The following CPQ variants were observed in gnomAD, a reference collection of about 807,000 sequenced individuals.
The protein encoded by CPQ is Ser-Met dipeptidase.
A neutral mutation model predicts 45.7 loss-of-function variants in CPQ; 37 were observed. The observed-to-expected ratio is 0.81, with a 90% CI of 0.62 to 1.07. CPQ has a LOEUF of 1.07. CPQ is among the 50% of genes least tolerant of loss of function. CPQ has a pLI of 0.00. For synonymous variants in CPQ, 186 were observed against 205.8 expected, an observed-to-expected ratio of 0.90 and a Z score of 0.82; for missense variants, 537 against 572.9, an observed-to-expected ratio of 0.94 and a Z score of 0.64.
chr8:97,019,217 C>T (rs757099426), intron 5 of CPQ, among the ~76,000 whole-genome samples: 3 of 152,122 alleles, frequency 2.0e-5, no homozygotes, highest in Non-Finnish European at 4.4e-5. Context: ...ACTACAAGAA[C>T]CGCTAAAAGG....
intron 5 of CPQ, among the ~76,000 whole-genome samples, chr8:96,969,142 G>C (rs1813620005): frequency 6.6e-6 from 1 of 152,162 alleles, no homozygotes; most frequent in Non-Finnish European, 1.5e-5. Flanking sequence ...CTAAAGAAAT[G>C]AAAGATATGA....
chr8:96,964,145 T>C (rs1404171098), intron 4 of CPQ, among the ~76,000 whole-genome samples: 2 of 148,718 alleles, frequency 1.3e-5, no homozygotes, highest in Admixed American at 6.7e-5. Flanking sequence ...GTTATGAACA[T>C]TCCAGTACAT....
At chr8:96,904,710 A>G (rs1250919851) in intron 4 of CPQ, among the ~76,000 whole-genome samples, 1 of 152,208 alleles carries the variant, frequency 6.6e-6, no homozygotes, top group Non-Finnish European at 1.5e-5. Flanking sequence ...GCAAAGGTCC[A>G]GAATCCATAA....
intron 5 of CPQ, among the ~76,000 whole-genome samples, chr8:97,013,942 T>C (rs1390739968): frequency 6.6e-6 from 1 of 152,226 alleles, no homozygotes; most frequent in Non-Finnish European, 1.5e-5. Flanking sequence ...ATATGTGTCA[T>C]TTATATGTAA....
intron 5 of CPQ, among the ~76,000 whole-genome samples, chr8:96,991,399 T>G (rs979090346): frequency 5.3e-5 from 8 of 151,890 alleles, no homozygotes; most frequent in East Asian, 3.9e-4. Flanking sequence ...CTACTAAACA[T>G]ACACAAATTA....
chr8:96,678,185 T>C (rs1308266604), intron 1 of CPQ, among the ~76,000 whole-genome samples: 1 of 152,116 alleles, frequency 6.6e-6, no homozygotes, highest in Non-Finnish European at 1.5e-5. Flanking sequence ...AATTTTAGGA[T>C]TATTTTTTCT....
chr8:96,678,776 G>A (rs1450271859), intron 1 of CPQ, among the ~76,000 whole-genome samples: 1 of 16,808 alleles, frequency 5.9e-5, no homozygotes, highest in Admixed American at 5.9e-4. Flanking sequence ...TTTTTTTTTA[G>A]CTGTTGAGTT....
chr8:97,081,707 A>T (rs537941685), intron 7 of CPQ, among the ~76,000 whole-genome samples: 1 of 152,288 alleles, frequency 6.6e-6, no homozygotes, highest in African/African-American at 2.4e-5. Context: ...CTGAGCACCC[A>T]TGTTTTCAGA....
rs775291044 is a variant in CPQ at position 97,143,013 on chromosome 8, T to A, written c.1256-7T>A. On this transcript the variant is annotated splice_region_variant and splice_polypyrimidine_tract_variant and intron_variant, in intron 7 of 7. Transcript: ENST00000220763. ...TCCACTAAGAATTCTTCCTCTTTTA[T>A]CCCCAGGAGCCAGTCTACTTGATGA... 1.4e-5 allele frequency: 23 copies of A among 1,613,130 alleles called. No homozygotes were observed. The highest frequency in any genetic ancestry group is 1.8e-5 in the Non-Finnish European group (21 of 1,179,530).
chr8:97,034,995 C>T (rs577656384), intron 6 of CPQ, among the ~76,000 whole-genome samples: 33 of 151,734 alleles, frequency 2.2e-4, no homozygotes, highest in African/African-American at 7.7e-4. Flanking sequence ...CGGGTTCAAG[C>T]GATTCTTCTG....
chr8:96,756,050 A>G (rs953437375), intron 1 of CPQ, among the ~76,000 whole-genome samples: 14 of 152,080 alleles, frequency 9.2e-5, no homozygotes, highest in Admixed American at 2.6e-4. Flanking sequence ...AGTTACCTCC[A>G]TAACTCTAAA....
rs138767119 is a variant in CPQ, at chr8:97,074,254, C to T, written c.1255+8044C>T. 3.7e-3 allele frequency among the ~76,000 whole-genome samples: 570 copies of T among 152,278 alleles called. 1 individual carries two copies. The highest frequency in any genetic ancestry group is 0.012 in the African/African-American group (517 of 41,556). ...TATTTTCTTCTTGTTCATATACCCA[C>T]GACACCCATTATTACTTGGCATATA... On this transcript the variant is annotated intron_variant, in intron 7 of 7. Transcript: ENST00000220763.
intron 2 of CPQ, among the ~76,000 whole-genome samples, chr8:96,820,947 T>C (rs1298616153): frequency 6.6e-6 from 1 of 151,970 alleles, no homozygotes; most frequent in Non-Finnish European, 1.5e-5. Context: ...AGGTTCCCCT[T>C]TCTCCACATC....
At chr8:96,752,667 G>C (rs1454825224) in intron 1 of CPQ, among the ~76,000 whole-genome samples, 2 of 152,038 alleles carry the variant, frequency 1.3e-5, no homozygotes, top group Non-Finnish European at 2.9e-5. Flanking sequence ...ACACTATGTT[G>C]AACAGGAGTG....
intron 1 of CPQ, among the ~76,000 whole-genome samples, chr8:96,683,544 T>G (rs1345049044): frequency 6.6e-6 from 1 of 152,178 alleles, no homozygotes; most frequent in Non-Finnish European, 1.5e-5. Context: ...TTTGTGCTTC[T>G]TGTACCTGGA....
chr8:96,881,069 G>A (rs1167773751), intron 4 of CPQ, among the ~76,000 whole-genome samples: 1 of 152,098 alleles, frequency 6.6e-6, no homozygotes, highest in African/African-American at 2.4e-5. Context: ...AAGCTAGCCT[G>A]GCATTTGAGA....
intron 4 of CPQ, among the ~76,000 whole-genome samples, chr8:96,952,942 G>A (rs540244134): frequency 9.9e-5 from 15 of 152,166 alleles, no homozygotes; most frequent in Admixed American, 9.8e-4. Flanking sequence ...TACTGTATGT[G>A]CCAGGGTTCC....
chr8:96,668,111 A>G (rs1442990400), intron 1 of CPQ, among the ~76,000 whole-genome samples: 1 of 152,224 alleles, frequency 6.6e-6, no homozygotes, highest in Admixed American at 6.5e-5. Context: ...ATGGGGAGAA[A>G]TAAGTTTGGA....
intron 1 of CPQ, among the ~76,000 whole-genome samples, chr8:96,716,920 T>TAC (rs926915927): frequency 8.2e-5 from 12 of 145,968 alleles, no homozygotes; most frequent in African/African-American, 2.5e-4. Context: ...CACACACACA[T>TAC]ACACACACAC....
Sources: gnomAD v4.1 joint callset for allele counts (sites outside exome capture counted in the v4.1 genomes callset) on GRCh38, gnomAD v4.1.1 for gene constraint, MANE v1.5 for transcripts, NCBI Gene and HGNC (gene_info 2026-07-23, HGNC 2026-07-21) for gene names.